Variants in CAMKMT observed in about 807,000 individuals in gnomAD.
CAMKMT encodes CaM KMT.
In CAMKMT, 53 loss-of-function variants were observed where a neutral mutation model predicts 48.0. The ratio of observed to expected loss-of-function variants is 1.10; its 90% CI spans 0.89 to 1.39. The LOEUF (loss-of-function observed/expected upper bound fraction) is 1.39, where lower values mean the gene tolerates loss of function less well. CAMKMT is among the 40% of genes most tolerant of loss of function. CAMKMT has a pLI of 0.00. For missense variants in CAMKMT, 428 were observed against 402.7 expected (o/e 1.06, Z -0.54); for synonymous variants, 165 against 152.3 (o/e 1.08, Z -0.61).
rs540146311 is a variant in CAMKMT at position 44,602,953 on chromosome 2, G to T, written c.377-101330G>T. ...ATTTTTTGTGTATTGCCAAGTAAGT[G>T]GTAGTCATTAGTATATTCCTCTCAC... On this transcript the variant is annotated intron_variant, in intron 3 of 10. Coordinates refer to ENST00000378494, the MANE Select transcript of CAMKMT (RefSeq NM_024766.5). Among the ~76,000 whole-genome samples, 23 of 151,918 alleles carry T rather than the reference G, an allele frequency of 1.5e-4. No homozygotes were observed. In the East Asian group the frequency reaches 4.4e-3, roughly 29 times the overall value.
Position 44,398,022 on chromosome 2 carries a change from T to G in CAMKMT, c.376+7717T>G, listed in dbSNP as rs7566351. 4.5e-3 allele frequency among the ~76,000 whole-genome samples: 681 copies of G among 152,334 alleles called. 9 individuals carry two copies. The highest frequency in any genetic ancestry group is 0.016 in the African/African-American group (653 of 41,574). On this transcript the variant is annotated intron_variant, in intron 3 of 10. Coordinates refer to ENST00000378494, the MANE Select transcript of CAMKMT (RefSeq NM_024766.5). ...ATATGCCAAGAAAGTCTTTTTATTT[T>G]TCCCCCGAGCAAATACTGAGTAGTT...
At chr2:44,455,600 C>T (rs1479608988) in intron 3 of CAMKMT, among the ~76,000 whole-genome samples, 2 of 152,128 alleles carry the variant, frequency 1.3e-5, no homozygotes, top group Non-Finnish European at 2.9e-5. Context: ...CTGGTTAAGA[C>T]ACATTCTGTC....
intron 3 of CAMKMT, among the ~76,000 whole-genome samples, chr2:44,480,238 T>C (rs1205621995): frequency 6.6e-6 from 1 of 152,204 alleles, no homozygotes; most frequent in African/African-American, 2.4e-5. Context: ...TACTGTACTC[T>C]TAGAGCAACT....
chr2:44,558,498 T>C (rs575090629), intron 3 of CAMKMT, among the ~76,000 whole-genome samples: 11 of 152,332 alleles, frequency 7.2e-5, no homozygotes, highest in Admixed American at 5.9e-4. Flanking sequence ...GGCAGAAGTC[T>C]ATCTTCAATA....
chr2:44,614,112 C>G (rs2103906277), intron 3 of CAMKMT, among the ~76,000 whole-genome samples: 1 of 152,114 alleles, frequency 6.6e-6, no homozygotes, highest in Non-Finnish European at 1.5e-5. Context: ...TAAAATAATT[C>G]TTAGAAAAAA....
chr2:44,611,669 A>G (rs1410159008), intron 3 of CAMKMT, among the ~76,000 whole-genome samples: 1 of 151,976 alleles, frequency 6.6e-6, no homozygotes, highest in African/African-American at 2.4e-5. Context: ...ATAAAGAAAT[A>G]CCTAAGAGTG....
intron 8 of CAMKMT, among the ~76,000 whole-genome samples, chr2:44,748,804 G>A (rs1469908993): frequency 2.0e-5 from 3 of 152,168 alleles, no homozygotes; most frequent in Non-Finnish European, 4.4e-5. Context: ...ATGAACCCGG[G>A]AGGCGGAGCT....
At chr2:44,615,950 A>G (rs115098237) in intron 3 of CAMKMT, among the ~76,000 whole-genome samples, 5,729 of 152,202 alleles carry the variant, frequency 0.038, 347 homozygotes, top group African/African-American at 0.13. Flanking sequence ...TGAAAACTGA[A>G]TTACAGCCTA....
At chr2:44,433,489 C>T (rs1462998109) in intron 3 of CAMKMT, among the ~76,000 whole-genome samples, 1 of 151,608 alleles carries the variant, frequency 6.6e-6, no homozygotes, top group Non-Finnish European at 1.5e-5. Context: ...GTTTTGTAGC[C>T]AGAATGTTTC....
At chr2:44,723,150 C>G (rs1305646538) in intron 7 of CAMKMT, among the ~76,000 whole-genome samples, 1 of 152,176 alleles carries the variant, frequency 6.6e-6, no homozygotes, top group Admixed American at 6.5e-5. Context: ...GATCCCCACA[C>G]CCTGAGAGAC....
chr2:44,523,736 G>T (rs993670507), intron 3 of CAMKMT, among the ~76,000 whole-genome samples: 7 of 149,368 alleles, frequency 4.7e-5, no homozygotes, highest in Non-Finnish European at 7.4e-5. Flanking sequence ...GCATGATTGT[G>T]CTGGGTTCAG....
intron 3 of CAMKMT, among the ~76,000 whole-genome samples, chr2:44,626,717 G>A (rs1481918718): frequency 1.3e-5 from 2 of 151,976 alleles, no homozygotes; most frequent in African/African-American, 2.4e-5. Context: ...CCTCCTAAAG[G>A]CCATACCTCC....
intron 2 of CAMKMT, among the ~76,000 whole-genome samples, chr2:44,389,201 G>A (rs1303110238): frequency 1.3e-5 from 2 of 152,036 alleles, no homozygotes; most frequent in East Asian, 3.9e-4. Context: ...TGGGGGATGG[G>A]GGTGAGATTC....
intron 3 of CAMKMT, among the ~76,000 whole-genome samples, chr2:44,493,229 G>GA (rs947639424): frequency 6.6e-6 from 1 of 151,780 alleles, no homozygotes; most frequent in East Asian, 1.9e-4. Context: ...TGGTCAACAG[G>GA]AAAAAAACAT....
chr2:44,714,872 C>T (rs1678085348), intron 6 of CAMKMT, among the ~76,000 whole-genome samples: 1 of 152,170 alleles, frequency 6.6e-6, no homozygotes, highest in African/African-American at 2.4e-5. Flanking sequence ...TACAGCTCTT[C>T]TCCTTTCGCT....
intron 8 of CAMKMT, 134 bp downstream of exon 8, chr2:44,743,830 A>C (rs115804942): frequency 0.01 from 6,263 of 601,546 alleles, 53 homozygotes; most frequent in Non-Finnish European, 0.014. Flanking sequence ...TCAACAAATT[A>C]ATATTCATCT....
Position 44,694,870 on chromosome 2 carries a change from A to G in CAMKMT, c.377-9413A>G, listed in dbSNP as rs550289548. Among the ~76,000 whole-genome samples, 59 of 152,360 alleles carry G rather than the reference A, an allele frequency of 3.9e-4. 1 individual carries two copies. The highest frequency in any genetic ancestry group is 1.4e-3 in the African/African-American group (58 of 41,592). On this transcript the variant is annotated intron_variant, in intron 3 of 10. Coordinates refer to ENST00000378494, the MANE Select transcript of CAMKMT (RefSeq NM_024766.5). Reference sequence around the variant, plus strand: ...TTCCAGACAGAACTCTTGTTTAGCCAATGCTTTTATGGAGGCCCAAAGGAT... The same window carrying G: ...TTCCAGACAGAACTCTTGTTTAGCCGATGCTTTTATGGAGGCCCAAAGGAT...
intron 3 of CAMKMT, among the ~76,000 whole-genome samples, chr2:44,470,081 T>A (rs1233559210): frequency 1.3e-5 from 2 of 152,158 alleles, no homozygotes; most frequent in African/African-American, 4.8e-5. Context: ...TTCTCTCTAA[T>A]AAGAACTTTC....
chr2:44,383,975 C>T (rs954710067), intron 2 of CAMKMT, among the ~76,000 whole-genome samples: 1 of 152,074 alleles, frequency 6.6e-6, no homozygotes, highest in African/African-American at 2.4e-5. Flanking sequence ...ACTTATTTTC[C>T]TCTGGGTAGA....
Sources: allele counts gnomAD v4.1 joint callset (sites outside exome capture counted in the v4.1 genomes callset), GRCh38; gene constraint gnomAD v4.1.1; transcripts MANE v1.5; gene names NCBI Gene and HGNC (gene_info 2026-07-23, HGNC 2026-07-21).